CACNG2: variants seen among roughly 807,000 people sequenced by gnomAD.
CACNG2 encodes voltage-dependent calcium channel gamma-2 subunit.
A neutral mutation model predicts 25.9 loss-of-function variants in CACNG2; 3 were observed. That is an observed-to-expected ratio of 0.12 (90% CI 0.05 to 0.30). The LOEUF (loss-of-function observed/expected upper bound fraction) is 0.30. Ranked by LOEUF, CACNG2 falls within the 10% of genes least tolerant of loss-of-function variation. The probability of loss-of-function intolerance (pLI) is 1.00; values close to 1 mark genes in which losing one functional copy is unlikely to be tolerated. For missense variants in CACNG2, 341 were observed against 432.5 expected, an observed-to-expected ratio of 0.79 and a Z score of 1.88; for synonymous variants, 167 against 173.3, an observed-to-expected ratio of 0.96 and a Z score of 0.29.
intron 1 of CACNG2, among the ~76,000 whole-genome samples, chr22:36,668,297 T>G (rs559272345): frequency 6.6e-6 from 1 of 152,302 alleles, no homozygotes; most frequent in East Asian, 1.9e-4. Flanking sequence ...CCATCTCTAT[T>G]AGCCTGGGTT....
At chr22:36,591,338 A>G (rs1265061321) in intron 1 of CACNG2, among the ~76,000 whole-genome samples, 11 of 151,010 alleles carry the variant, frequency 7.3e-5, no homozygotes, top group African/African-American at 2.7e-4. Context: ...CTAAGGGGGG[A>G]GATATTAAAG....
At chr22:36,599,232 C>T (rs369093117) in intron 1 of CACNG2, among the ~76,000 whole-genome samples, 1 of 150,596 alleles carries the variant, frequency 6.6e-6, no homozygotes, top group African/African-American at 2.4e-5. Flanking sequence ...CACAAGTCAA[C>T]CCAGATGAAT....
intron 1 of CACNG2, among the ~76,000 whole-genome samples, chr22:36,688,362 C>T (rs1312633258): frequency 6.6e-6 from 1 of 151,778 alleles, no homozygotes; most frequent in Non-Finnish European, 1.5e-5. Flanking sequence ...CTTGACAACA[C>T]AGCAAGGTCC....
intron 1 of CACNG2, among the ~76,000 whole-genome samples, chr22:36,617,668 T>C (rs910241217): frequency 2.0e-5 from 3 of 148,570 alleles, no homozygotes; most frequent in Non-Finnish European, 3.0e-5. Context: ...TCTTTTCCCA[T>C]CTTAAATTCA....
chr22:36,666,937 G>T (rs1007650949), intron 1 of CACNG2, among the ~76,000 whole-genome samples: 1 of 150,670 alleles, frequency 6.6e-6, no homozygotes, highest in African/African-American at 2.4e-5. Context: ...TTCTTTCTCT[G>T]CAAGAACTGC....
chr22:36,627,499 C>T (rs1046070064), intron 1 of CACNG2, among the ~76,000 whole-genome samples: 1 of 152,092 alleles, frequency 6.6e-6, no homozygotes, highest in Non-Finnish European at 1.5e-5. Flanking sequence ...GCTTGTCAAC[C>T]CACTAGCTAG....
At chr22:36,608,194 C>T (rs1935873191) in intron 1 of CACNG2, among the ~76,000 whole-genome samples, 1 of 152,116 alleles carries the variant, frequency 6.6e-6, no homozygotes, top group African/African-American at 2.4e-5. Context: ...AGAATTTCTA[C>T]AGTAGCTGGG....
Position 36,606,382 on chromosome 22 carries a change from A to C in CACNG2, c.212-18834T>G, listed in dbSNP as rs6000346. 4.1e-3 allele frequency among the ~76,000 whole-genome samples: 617 copies of C among 152,276 alleles called. 5 individuals are homozygous for C. Among genetic ancestry groups the C allele is most frequent in the African/African-American group, 0.014 (593 of 41,562 alleles). Reference sequence around the variant, plus strand: ...CGCTATTAGTCTCCGTACATTAGAGATATGGAAGTGGAGGGACAGAGGGGT... The same window carrying C: ...CGCTATTAGTCTCCGTACATTAGAGCTATGGAAGTGGAGGGACAGAGGGGT... On this transcript the variant is annotated intron_variant, in intron 1 of 3. Transcript: ENST00000300105. This position sits in a 1 kb window ranked among gnomAD's most constrained non-coding sequence, Gnocchi z 5.7.
intron 2 of CACNG2, among the ~76,000 whole-genome samples, chr22:36,582,539 G>A (rs535468860): frequency 1.8e-4 from 28 of 151,894 alleles, no homozygotes; most frequent in Admixed American, 1.3e-3. Flanking sequence ...CTGAGTAGCT[G>A]GGAATACAGG....
At chr22:36,583,157 G>A (rs1199148406) in intron 2 of CACNG2, among the ~76,000 whole-genome samples, 1 of 110,542 alleles carries the variant, frequency 9.0e-6, no homozygotes, top group East Asian at 2.3e-4. Context: ...ATTTAGGGCT[G>A]GACATGGTGG....
At position 36,564,540 on chromosome 22, in the gene CACNG2, G is replaced by C. The variant is rs1407424767; in HGVS notation, c.783C>G (p.Asn261Lys). The change falls in exon 4 of 4, where the codon AAC becomes AAG. Residue 261 changes from asparagine (N) to lysine (K), a missense_variant. Asn to Lys is a moderately conservative substitution (Grantham distance 94). Coordinates refer to ENST00000300105, the MANE Select transcript of CACNG2 (RefSeq NM_006078.5). The surrounding 1 kb of genome is among the most constrained non-coding windows in gnomAD (Gnocchi z 6.7). ...TGGAGATCTCCGTGGACGGCAGGGT[G>C]TTGAAGCCCTTGATGCCCACGGGGG... ...DASPVGIKGF[N>K]TLPSTEISMY... 1.2e-6 allele frequency: 2 copies of C among 1,614,118 alleles called. No homozygotes were observed. The highest frequency in any genetic ancestry group is 1.7e-6 in the Non-Finnish European group (2 of 1,179,978).
intron 1 of CACNG2, among the ~76,000 whole-genome samples, chr22:36,610,802 A>C (rs1193540458): frequency 1.3e-5 from 2 of 152,190 alleles, no homozygotes; most frequent in Middle Eastern, 3.2e-3. Flanking sequence ...TGGTTGCACC[A>C]GTTGTTGCAT....
chr22:36,671,018 A>C (rs549294098), intron 1 of CACNG2, among the ~76,000 whole-genome samples: 1 of 151,460 alleles, frequency 6.6e-6, no homozygotes, highest in South Asian at 2.1e-4. Context: ...TCCTGGGTTC[A>C]AGCGATTCTT....
At chr22:36,626,049 A>G (rs1936178895) in intron 1 of CACNG2, among the ~76,000 whole-genome samples, 1 of 152,182 alleles carries the variant, frequency 6.6e-6, no homozygotes, top group Non-Finnish European at 1.5e-5. Context: ...CCTCCCGAGT[A>G]GATGGGAATA....
intron 1 of CACNG2, among the ~76,000 whole-genome samples, chr22:36,685,171 A>C (rs561638532): frequency 6.6e-6 from 1 of 152,048 alleles, no homozygotes; most frequent in Non-Finnish European, 1.5e-5. Flanking sequence ...TGGGGGCGGC[A>C]GGGGGTGTCT....
chr22:36,641,986 C>T (rs1309575921), intron 1 of CACNG2, among the ~76,000 whole-genome samples: 5 of 152,180 alleles, frequency 3.3e-5, no homozygotes, highest in Non-Finnish European at 5.9e-5. Flanking sequence ...GGGAGAGCTC[C>T]TGAAGGGAAT....
At chr22:36,669,530 A>G (rs1329163001) in intron 1 of CACNG2, among the ~76,000 whole-genome samples, 2 of 149,384 alleles carry the variant, frequency 1.3e-5, no homozygotes, top group African/African-American at 5.1e-5. Flanking sequence ...AAAAAAAAAA[A>G]AAAGAACATC....
intron 2 of CACNG2, among the ~76,000 whole-genome samples, chr22:36,566,932 C>T (rs1056985669): frequency 4.6e-5 from 7 of 152,212 alleles, no homozygotes; most frequent in Non-Finnish European, 7.3e-5. Context: ...AAACCCAGCT[C>T]GAAGTCCCCT....
chr22:36,623,508 A>G (rs1427812186), intron 1 of CACNG2, among the ~76,000 whole-genome samples: 2 of 152,136 alleles, frequency 1.3e-5, no homozygotes, highest in East Asian at 3.9e-4. Flanking sequence ...CCCTCTCTGG[A>G]AAATGGGGTA....
Sources: gnomAD v4.1 joint callset for allele counts (sites outside exome capture counted in the v4.1 genomes callset) on GRCh38, gnomAD v4.1.1 for gene constraint, Gnocchi (gnomAD v3.1) non-coding constraint, MANE v1.5 for transcripts, NCBI Gene and HGNC (gene_info 2026-07-23, HGNC 2026-07-21) for gene names.